Variants in GBE1 observed in about 807,000 individuals in gnomAD.
GBE1 encodes 1,4-alpha-glucan branching enzyme 1.
A neutral mutation model predicts 88.8 loss-of-function variants in GBE1; 70 were observed. The observed-to-expected ratio is 0.79, with a 90% CI of 0.65 to 0.96. The LOEUF (loss-of-function observed/expected upper bound fraction) is 0.96. Ranked by LOEUF, GBE1 falls within the 40% of genes least tolerant of loss-of-function variation. The probability of loss-of-function intolerance (pLI) is 0.00; values close to 1 mark genes in which losing one functional copy is unlikely to be tolerated. For synonymous variants in GBE1, 284 were observed against 300.1 expected (o/e 0.95, Z 0.56); for missense variants, 872 against 871.0 (o/e 1.00, Z -0.01).
chr3:81,642,522 C>T lies in GBE1; in HGVS notation c.992+259G>A, dbSNP rs9879273. On this transcript the variant is annotated intron_variant, in intron 7 of 15. Coordinates refer to ENST00000429644, the MANE Select transcript of GBE1 (RefSeq NM_000158.4). ...TTTTAGATATTAAAAAAAAATGATT[C>T]ACAGTAAAATTTTTAAATGATTATA... 16,390 of 289,028 alleles carry T rather than the reference C, an allele frequency of 0.057. 944 individuals are homozygous for T. The highest frequency in any genetic ancestry group is 0.17 in the African/African-American group (7,711 of 44,880). The allele number at this position is 289,028 out of a possible 1,614,324, so 17.9% of individuals were successfully genotyped here. A position where few individuals can be genotyped will look rare whatever the true frequency, so the allele number is the denominator to read the frequency against.
chr3:81,635,574 A>G (rs903360105), intron 7 of GBE1, among the ~76,000 whole-genome samples: 8 of 152,196 alleles, frequency 5.3e-5, no homozygotes, highest in Non-Finnish European at 8.8e-5. Flanking sequence ...CTGCTAGTCT[A>G]TTCTGTAGAA....
chr3:81,627,571 G>A (rs1704435409), intron 7 of GBE1, among the ~76,000 whole-genome samples: 1 of 151,992 alleles, frequency 6.6e-6, no homozygotes, highest in Non-Finnish European at 1.5e-5. Context: ...TCATGTGGAA[G>A]TAAAATAAAG....
chr3:81,665,644 GT>G (rs1705104945), intron 3 of GBE1, among the ~76,000 whole-genome samples: 1 of 151,848 alleles, frequency 6.6e-6, no homozygotes, highest in Non-Finnish European at 1.5e-5. Context: ...CTTGGGATAT[GT>G]TAATGGTTAA....
intron 14 of GBE1, among the ~76,000 whole-genome samples, chr3:81,511,667 T>C (rs900509094): frequency 6.6e-6 from 1 of 151,802 alleles, no homozygotes. Context: ...TGGCTATTAT[T>C]AAAAAGTCAA....
rs189658580 is a variant in GBE1, at chr3:81,705,561, T to C, written c.196A>G (p.Ile66Val). ...LKNIGENEGG[I>V]DKFSRGYESF... is the part of the protein sequence containing the mutation. ...TCATAGCCTCTGGAAAACTTATCAA[T>C]ACCACCTTCATTTTCTCCAATGTTC... The change falls in exon 2 of 16, where the codon ATT (isoleucine) becomes GTT (valine). Residue 66 changes from isoleucine to valine, a missense_variant. Transcript: ENST00000429644. 1 of 1,587,514 alleles carries C rather than the reference T, an allele frequency of 6.3e-7. No individual in the cohort carries two copies. The highest frequency in any genetic ancestry group is 1.3e-5 in the African/African-American group (1 of 74,476).
intron 7 of GBE1, among the ~76,000 whole-genome samples, chr3:81,609,337 T>C (rs1576168485): frequency 6.6e-6 from 1 of 152,232 alleles, no homozygotes; most frequent in East Asian, 1.9e-4. Flanking sequence ...AAACAGATAT[T>C]AAGTGATTTT....
intron 9 of GBE1, 101 bp from the exon 10 acceptor site, chr3:81,586,291 T>G: frequency 1.4e-6 from 1 of 722,888 alleles, no homozygotes. Flanking sequence ...GGGAATATAT[T>G]TTTGGGCTGC....
chr3:81,527,065 G>A (rs921225698), intron 14 of GBE1, among the ~76,000 whole-genome samples: 9 of 151,978 alleles, frequency 5.9e-5, no homozygotes, highest in African/African-American at 9.6e-5. Flanking sequence ...AAATAATGCC[G>A]CATATCTACA....
chr3:81,714,494 T>C (rs1161812706), intron 1 of GBE1, among the ~76,000 whole-genome samples: 1 of 152,160 alleles, frequency 6.6e-6, no homozygotes, highest in African/African-American at 2.4e-5. Context: ...ATAAGATTGA[T>C]GGAAATGAGA....
intron 1 of GBE1, among the ~76,000 whole-genome samples, chr3:81,726,815 C>T (rs1040881679): frequency 6.6e-6 from 1 of 152,040 alleles, no homozygotes; most frequent in African/African-American, 2.4e-5. Flanking sequence ...CTCCTGACCT[C>T]GTGATCTGCC....
chr3:81,674,527 A>G (rs1271543000), intron 2 of GBE1, among the ~76,000 whole-genome samples: 1 of 151,988 alleles, frequency 6.6e-6, no homozygotes, highest in African/African-American at 2.4e-5. Flanking sequence ...AATTATTGGT[A>G]TAAAATACTG....
chr3:81,738,592 A>G (rs1057057214), intron 1 of GBE1, among the ~76,000 whole-genome samples: 31 of 152,160 alleles, frequency 2.0e-4, no homozygotes, highest in Non-Finnish European at 4.4e-4. Flanking sequence ...ATTGTAATGA[A>G]TGTAATTACT....
chr3:81,711,403 T>C (rs988230477), intron 1 of GBE1, among the ~76,000 whole-genome samples: 3 of 152,192 alleles, frequency 2.0e-5, no homozygotes, highest in Non-Finnish European at 2.9e-5. Flanking sequence ...TGAAAATTTT[T>C]GGAAGGGTAA....
At chr3:81,639,548 T>C (rs1215301821) in intron 7 of GBE1, among the ~76,000 whole-genome samples, 2 of 152,118 alleles carry the variant, frequency 1.3e-5, no homozygotes, top group Admixed American at 6.5e-5. Context: ...TAAGGATATG[T>C]GCAAAAATTC....
chr3:81,562,332 G>T (rs1223852004), intron 12 of GBE1, among the ~76,000 whole-genome samples: 1 of 152,032 alleles, frequency 6.6e-6, no homozygotes, highest in Non-Finnish European at 1.5e-5. Context: ...CCTCTTTGTT[G>T]CATCTCCTCT....
At chr3:81,702,419 G>C (rs1048073651) in intron 2 of GBE1, among the ~76,000 whole-genome samples, 1 of 151,780 alleles carries the variant, frequency 6.6e-6, no homozygotes. Context: ...TATAACTTTG[G>C]ACATAAAAAA....
chr3:81,659,630 G>T (rs1021519122), intron 3 of GBE1, among the ~76,000 whole-genome samples: 1 of 150,868 alleles, frequency 6.6e-6, no homozygotes, highest in African/African-American at 2.4e-5. Flanking sequence ...TGACAGGTAT[G>T]AGCCACCGCA....
intron 2 of GBE1, among the ~76,000 whole-genome samples, chr3:81,674,973 T>C (rs1426735718): frequency 6.6e-6 from 1 of 151,994 alleles, no homozygotes; most frequent in East Asian, 1.9e-4. Flanking sequence ...TCTCAAACTA[T>C]AGTTTACATG....
At chr3:81,519,912 A>G (rs1041926552) in intron 14 of GBE1, among the ~76,000 whole-genome samples, 1 of 151,534 alleles carries the variant, frequency 6.6e-6, no homozygotes, top group African/African-American at 2.4e-5. Context: ...TTATATTCCC[A>G]GAAGTATTTT....
Sources: gnomAD v4.1 joint callset for allele counts (sites outside exome capture counted in the v4.1 genomes callset) on GRCh38, gnomAD v4.1.1 for gene constraint, MANE v1.5 for transcripts, NCBI Gene and HGNC (gene_info 2026-07-23, HGNC 2026-07-21) for gene names.